PML: variants seen among roughly 807,000 people sequenced by gnomAD.
PML encodes PML nuclear body scaffold, also known as protein PML.
A neutral mutation model predicts 65.2 loss-of-function variants in PML; 28 were observed. That is an observed-to-expected ratio of 0.43 (90% CI 0.32 to 0.59). The LOEUF (loss-of-function observed/expected upper bound fraction) is 0.59, where lower values mean the gene tolerates loss of function less well. Ranked by LOEUF, PML falls within the 20% of genes least tolerant of loss-of-function variation. PML has a pLI of 0.08. For missense variants in PML, 1,021 were observed against 1,203.4 expected, an observed-to-expected ratio of 0.85 and a Z score of 2.24; for synonymous variants, 500 against 508.8, an observed-to-expected ratio of 0.98 and a Z score of 0.23.
Position 74,042,805 on chromosome 15 carries a change from A to C in PML, c.1711-184A>C. The C allele has an allele frequency of 1.0e-6, 1 of 985,162 alleles. No individual in the cohort carries two copies. Among genetic ancestry groups the C allele is most frequent in the African/African-American group, 1.7e-5 (1 of 57,278 alleles). 61.0% of individuals were successfully genotyped at this position (985,162 alleles called of 1,614,324 possible). ...TTCATACATGTAACCCTCACATGTG[A>C]CACACCCAGTTCACACCCATTCATG... On this transcript the variant is annotated intron_variant, in intron 7 of 8. Transcript: ENST00000268058. The surrounding 1 kb of genome is among the most constrained non-coding windows in gnomAD (Gnocchi z 5.3).
rs2071517191 is a variant in PML at position 74,035,578 on chromosome 15, C to T, written c.1710+1048C>T. ...ATCACAGGGCCCCTCAACCATCCTG[C>T]CAATGCCCAGGAACATCCTGCCCAG... On this transcript the variant is annotated intron_variant, in intron 7 of 8. Coordinates refer to ENST00000268058, the MANE Select transcript of PML (RefSeq NM_033238.3). This position sits in a 1 kb window ranked among gnomAD's most constrained non-coding sequence, Gnocchi z 4.1. 6.2e-7 allele frequency: 1 copy of T among 1,611,780 alleles called. No individual in the cohort carries two copies. The highest frequency in any genetic ancestry group is 8.5e-7 in the Non-Finnish European group (1 of 1,179,836).
intron 6 of PML, chr15:74,034,095 C>T (rs1158589463): frequency 1.9e-5 from 7 of 368,714 alleles, no homozygotes; most frequent in Non-Finnish European, 2.1e-5. Flanking sequence ...CTAAATGAAG[C>T]GTCTTTTAAC....
chr15:73,998,446 AC>A lies in PML; in HGVS notation c.576del (p.Asn193ThrfsTer7). 2 of 1,613,914 alleles carry A rather than the reference AC, an allele frequency of 1.2e-6. No individual in the cohort carries two copies. The highest frequency in any genetic ancestry group is 1.7e-6 in the Non-Finnish European group (2 of 1,179,962). ...TRKTNNIFCSNPNHRTPTLTS... is the reference protein window; with the variant it reads ...TRKTNNIFCSXPNHRTPTLTS... Reference sequence around the variant, plus strand: ...AAGACCAACAACATCTTCTGCTCCAACCCCAACCACCGCACCCCTACGCTGA... The same window carrying A: ...AAGACCAACAACATCTTCTGCTCCAACCCAACCACCGCACCCCTACGCTGA... On this transcript the variant is annotated frameshift_variant, in exon 2 of 9. Transcript: ENST00000268058. LOFTEE classifies it high-confidence loss of function.
chr15:73,998,349 C>T lies in PML; in HGVS notation c.475C>T (p.Leu159Phe). Residue 159 changes from leucine to phenylalanine, a missense_variant, in exon 2 of 9, where the codon CTC (leucine) becomes TTC (phenylalanine). Coordinates refer to ENST00000268058, the MANE Select transcript of PML (RefSeq NM_033238.3). ...GTGCTTCGAGGCACACCAGTGGTTC[C>T]TCAAGCACGAGGCCCGGCCCCTAGC... is the stretch of plus-strand genomic sequence containing the variant. ...AKCFEAHQWF[L>F]KHEARPLAEL... 6.2e-7 allele frequency: 1 copy of T among 1,614,192 alleles called. No homozygotes were observed. The highest frequency in any genetic ancestry group is 8.5e-7 in the Non-Finnish European group (1 of 1,180,032).
chr15:74,043,765 G>A lies in PML; in HGVS notation c.1862-456G>A. 1.9e-6 allele frequency: 1 copy of A among 531,792 alleles called. No individual in the cohort carries two copies. The highest frequency in any genetic ancestry group is 3.7e-6 in the Non-Finnish European group (1 of 268,558). 32.9% of individuals were successfully genotyped at this position (531,792 alleles called of 1,614,324 possible). On this transcript the variant is annotated intron_variant, in intron 8 of 8. Coordinates refer to ENST00000268058, the MANE Select transcript of PML (RefSeq NM_033238.3). This position sits in a 1 kb window ranked among gnomAD's most constrained non-coding sequence, Gnocchi z 4.3. ...AAAAGTCATTTGCAGACCTCAGTGG[G>A]AGGCTCTTGGCCTTGCTCTGAGTGG...
chr15:74,002,912 G>A (rs1203280722), intron 2 of PML, among the ~76,000 whole-genome samples: 1 of 152,040 alleles, frequency 6.6e-6, no homozygotes, highest in Non-Finnish European at 1.5e-5. Flanking sequence ...GATATTTTGA[G>A]CCCAGGAGTT....
chr15:74,000,745 C>G (rs769095440), intron 2 of PML, among the ~76,000 whole-genome samples: 2 of 151,010 alleles, frequency 1.3e-5, no homozygotes, highest in African/African-American at 4.9e-5. Context: ...GATTTTTTTT[C>G]GCCTGAATAT....
intron 2 of PML, among the ~76,000 whole-genome samples, chr15:74,000,292 ATACTT>A (rs1037914689): frequency 6.6e-6 from 1 of 151,990 alleles, no homozygotes; most frequent in African/African-American, 2.4e-5. Context: ...ATCCTCCTGT[ATACTT>A]TATTTTTTAT....
At chr15:74,012,827 AT>A (rs11340493) in intron 2 of PML, among the ~76,000 whole-genome samples, 151,750 of 151,986 alleles carry the variant, frequency 1, 75,759 homozygotes, top group Middle Eastern at 1. Context: ...TCAAAAAGCA[AT>A]TTTTTTTTTC....
At chr15:74,036,886 T>C in intron 7 of PML, 1 of 965,510 alleles carries the variant, frequency 1.0e-6, no homozygotes, top group Non-Finnish European at 1.2e-6. Context: ...CCTCAGCCGG[T>C]CCTCTCAGAC....
intron 2 of PML, among the ~76,000 whole-genome samples, chr15:74,017,907 G>A (rs930332588): frequency 4.6e-5 from 7 of 152,132 alleles, no homozygotes; most frequent in African/African-American, 1.7e-4. Context: ...GGCCAAGGTG[G>A]AAGGATGACT....
At chr15:73,995,254 C>A (rs1041830828) in intron 1 of PML, among the ~76,000 whole-genome samples, 10 of 152,322 alleles carry the variant, frequency 6.6e-5, no homozygotes, top group Admixed American at 6.5e-4. Flanking sequence ...TCGAGCCCTG[C>A]CTCAACTTTG....
At chr15:74,023,808 G>A (rs1163856959) in intron 3 of PML, among the ~76,000 whole-genome samples, 2 of 152,268 alleles carry the variant, frequency 1.3e-5, no homozygotes, top group South Asian at 2.1e-4. Flanking sequence ...CTGGGGTTAC[G>A]GTAGAAGGGG....
At position 74,035,937 on chromosome 15, in the gene PML, C is replaced by G; in HGVS notation, c.1710+1407C>G. On this transcript the variant is annotated intron_variant, in intron 7 of 8. Coordinates refer to ENST00000268058, the MANE Select transcript of PML (RefSeq NM_033238.3). The surrounding 1 kb of genome is among the most constrained non-coding windows in gnomAD (Gnocchi z 4.1). ...CATCAGCCCAGTCCCAGGCGCCCGTCAAGCAGGCCTCTGAGAGTGCTACCC... is the reference window on the plus strand; with the variant it reads ...CATCAGCCCAGTCCCAGGCGCCCGTGAAGCAGGCCTCTGAGAGTGCTACCC... 6.2e-7 allele frequency: 1 copy of G among 1,614,080 alleles called. No individual in the cohort carries two copies.
chr15:74,006,407 A>AAAAG lies in PML; in HGVS notation c.602+7939_602+7942dup, dbSNP rs1567120700. ...CTCCGTCTCAAAAAAAAAAAAAAAA[A>AAAAG]AAAGAAAGAAAAACAGGAGCTTTTT... On this transcript the variant is annotated intron_variant, in intron 2 of 8. Transcript: ENST00000268058. 2.3e-4 allele frequency among the ~76,000 whole-genome samples: 35 copies of AAAAG among 150,948 alleles called. 1 individual carries two copies. The highest frequency in any genetic ancestry group is 5.9e-4 in the East Asian group (3 of 5,080).
At chr15:74,008,738 CAA>C (rs550873482) in intron 2 of PML, among the ~76,000 whole-genome samples, 39 of 63,956 alleles carry the variant, frequency 6.1e-4, no homozygotes, top group Admixed American at 9.1e-4. Context: ...GACTGTGTCT[CAA>C]AAAAAAAAAA....
chr15:74,023,103 A>T lies in PML; in HGVS notation c.878A>T (p.Gln293Leu), dbSNP rs749893395. 1 of 1,603,402 alleles carries T rather than the reference A, an allele frequency of 6.2e-7. No homozygotes were observed. The highest frequency in any genetic ancestry group is 2.2e-5 in the East Asian group (1 of 44,818). ...VRQVVAHVRA[Q>L]ERELLEAVDA... is the part of the protein sequence containing the mutation. The stretch of plus-strand genomic sequence containing the variant: ...CAGGTGGTAGCTCACGTGCGGGCTC[A>T]GGAGCGCGAGCTGCTGGAGGCTGTG... Residue 293 changes from glutamine (Q) to leucine (L), a missense_variant, in exon 3 of 9, where the codon CAG becomes CTG. Transcript: ENST00000268058.
intron 7 of PML, among the ~76,000 whole-genome samples, chr15:74,041,907 T>C (rs2071705847): frequency 6.6e-6 from 1 of 152,210 alleles, no homozygotes; most frequent in Non-Finnish European, 1.5e-5. Flanking sequence ...TGCCCTGGAC[T>C]CTGTCCCAGC....
chr15:74,030,898 A>G (rs2071291055), intron 4 of PML, among the ~76,000 whole-genome samples: 1 of 152,136 alleles, frequency 6.6e-6, no homozygotes, highest in Non-Finnish European at 1.5e-5. Context: ...TTACATTCAT[A>G]ATATTTTTTA....
Sources: gnomAD v4.1 joint callset for allele counts (sites outside exome capture counted in the v4.1 genomes callset) on GRCh38, gnomAD v4.1.1 for gene constraint, Gnocchi (gnomAD v3.1) non-coding constraint, MANE v1.5 for transcripts, NCBI Gene and HGNC (gene_info 2026-07-23, HGNC 2026-07-21) for gene names.